Variants in PHYKPL observed in about 807,000 individuals in gnomAD.
PHYKPL encodes 5-phosphohydroxy-L-lysine phospho-lyase, also known as 5-phosphonooxy-L-lysine phospho-lyase.
PHYKPL carries 42 observed loss-of-function variants against 51.3 expected under a neutral mutation model. The observed-to-expected ratio is 0.82, with a 90% CI of 0.64 to 1.06. The LOEUF is 1.06. PHYKPL is among the 50% of genes least tolerant of loss of function. The pLI, the probability that PHYKPL is intolerant of heterozygous loss-of-function variation, is 0.00. For missense variants in PHYKPL, 655 were observed against 586.6 expected, an observed-to-expected ratio of 1.12 and a Z score of -1.20; for synonymous variants, 264 against 236.0, an observed-to-expected ratio of 1.12 and a Z score of -1.09.
chr5:178,210,528 C>T (rs1369556707), intron 12 of PHYKPL: 3 of 1,608,428 alleles, frequency 1.9e-6, no homozygotes, highest in South Asian at 1.1e-5. Context: ...TAAATAGTAG[C>T]TGCTATGGTT....
Position 178,232,601 on chromosome 5 carries a change from G to A in PHYKPL, c.-51C>T, listed in dbSNP as rs561918410. The A allele has an allele frequency of 3.4e-4, 428 of 1,249,152 alleles. 1 individual carries two copies. Among genetic ancestry groups the A allele is most frequent in the South Asian group, 1.4e-3 (44 of 30,552 alleles). 77.4% of individuals were successfully genotyped at this position (1,249,152 alleles called of 1,614,324 possible). On this transcript the variant is annotated 5_prime_UTR_variant, in exon 1 of 13. Transcript: ENST00000308158. ...TGACGCCACGCGGAGACGTCGCCGC[G>A]CGGGCTGGGCCTCCAAGGCCCCGCT...
At chr5:178,225,798 TCA>T (rs1762168991) in intron 3 of PHYKPL, 1 of 282,390 alleles carries the variant, frequency 3.5e-6, no homozygotes, top group Non-Finnish European at 7.0e-6. Flanking sequence ...AGGCAAGCAA[TCA>T]GTTCTGCAGC....
rs536824563 is a variant in PHYKPL at position 178,210,419 on chromosome 5, C to T, written c.*31+1471G>A. On this transcript the variant is annotated intron_variant, in intron 12 of 12. Transcript: ENST00000308158. ...CTACTTGATTTTGAGCCTTAGACTT[C>T]GGGGTCTTAATAACATGAGGAAGGC... The T allele has an allele frequency of 2.9e-4, 437 of 1,531,436 alleles. 4 individuals are homozygous for T. In the South Asian group the frequency reaches 3.4e-3, roughly 12 times the overall value. The allele number at this position is 1,531,436 out of a possible 1,614,324, so 94.9% of individuals were successfully genotyped here. A position where few individuals can be genotyped will look rare whatever the true frequency, so the allele number is the denominator to read the frequency against.
chr5:178,224,558 G>C lies in PHYKPL; in HGVS notation c.508C>G (p.Leu170Val). Residue 170 changes from leucine to valine, a missense_variant, in exon 6 of 13, where the codon CTC becomes GTC. Transcript: ENST00000308158. Reference sequence around the variant, plus strand: ...TAGGGGCCCCGGTAGGTGTCTGGGAGAGGTGCCTGTGGGGAGTGACAGCGC... The same window carrying C: ...TAGGGGCCCCGGTAGGTGTCTGGGACAGGTGCCTGTGGGGAGTGACAGCGC... Reference protein sequence around the residue: ...GQKEWVHVAPLPDTYRGPYRE... With the variant: ...GQKEWVHVAPVPDTYRGPYRE... 1 of 1,614,250 alleles carries C rather than the reference G, an allele frequency of 6.2e-7. No homozygotes were observed. The highest frequency in any genetic ancestry group is 8.5e-7 in the Non-Finnish European group (1 of 1,180,016).
intron 12 of PHYKPL, chr5:178,210,057 G>T: frequency 6.3e-7 from 1 of 1,577,914 alleles, no homozygotes; most frequent in South Asian, 1.2e-5. Context: ...CACCCCAAAG[G>T]GCAGGATTTC....
Position 178,222,868 on chromosome 5 carries a change from A to C in PHYKPL, c.685T>G (p.Phe229Val), listed in dbSNP as rs1561718346. 6.2e-7 allele frequency: 1 copy of C among 1,614,196 alleles called. No individual in the cohort carries two copies. Among genetic ancestry groups the C allele is most frequent in the African/African-American group, 1.3e-5 (1 of 75,060 alleles). The change falls in exon 7 of 13, where the codon TTC (phenylalanine) becomes GTC (valine). Residue 229 changes from phenylalanine to valine, a missense_variant. Coordinates refer to ENST00000308158, the MANE Select transcript of PHYKPL (RefSeq NM_153373.4). ...GGQIIPPAGY[F>V]SQVAEHIRKA... ...CCTACTCACTCTGCCACTTGGGAGAAGTAGCCAGCAGGGGGAATGATCTGC... is the reference window on the plus strand; with the variant it reads ...CCTACTCACTCTGCCACTTGGGAGACGTAGCCAGCAGGGGGAATGATCTGC...
At position 178,215,325 on chromosome 5, in the gene PHYKPL, G is replaced by A; in HGVS notation, c.1033C>T (p.Gln345Ter). The A allele has an allele frequency of 6.2e-7, 1 of 1,614,066 alleles. No individual in the cohort carries two copies. The highest frequency in any genetic ancestry group is 8.5e-7 in the Non-Finnish European group (1 of 1,179,980). Residue 345 changes from glutamine to a stop codon, truncating the protein, a stop_gained, in exon 9 of 13, where the codon CAG (glutamine) becomes TAG (stop). Coordinates refer to ENST00000308158, the MANE Select transcript of PHYKPL (RefSeq NM_153373.4). LOFTEE classifies it high-confidence loss of function. ...TTGATTTTTTGCTGCCCGAGGAGCT[G>A]CATCAGGAAGCTGCCTACACTGGTG... ...HATSVGSFLM[Q>*]LLGQQKIKHP...
intron 12 of PHYKPL, chr5:178,211,045 T>C (rs1758175014): frequency 5.2e-6 from 1 of 193,900 alleles, no homozygotes; most frequent in African/African-American, 2.4e-5. Flanking sequence ...TTTACTGTAC[T>C]TTTTGGTACC....
chr5:178,213,245 T>A (rs1759016647), intron 10 of PHYKPL, 142 bp from the exon 11 acceptor site: 6 of 1,143,634 alleles, frequency 5.2e-6, no homozygotes, highest in Non-Finnish European at 7.4e-6. Context: ...TGGTCACCTC[T>A]CCCAGAGTCC....
intron 2 of PHYKPL, among the ~76,000 whole-genome samples, chr5:178,231,132 A>T (rs1763310408): frequency 6.6e-6 from 1 of 152,224 alleles, no homozygotes; most frequent in Non-Finnish European, 1.5e-5. Context: ...TGCTGGTCAC[A>T]GCTGGGCCAT....
chr5:178,210,582 C>G (rs1757945739), intron 12 of PHYKPL: 2 of 1,614,138 alleles, frequency 1.2e-6, no homozygotes, highest in Non-Finnish European at 1.7e-6. Flanking sequence ...CGGCAAGAGC[C>G]AGCGACGTGG....
intron 3 of PHYKPL, chr5:178,228,401 G>A: frequency 1.6e-6 from 1 of 629,506 alleles, no homozygotes; most frequent in Non-Finnish European, 2.8e-6. Context: ...ATGCAGCAAA[G>A]AGATTGCTTT....
chr5:178,224,919 G>A, intron 4 of PHYKPL, 190 bp from the exon 5 acceptor site: 2 of 583,008 alleles, frequency 3.4e-6, no homozygotes, highest in South Asian at 4.3e-5. Context: ...ACTGCTGACT[G>A]GCTATGTGAC....
chr5:178,213,333 C>T (rs546965217), intron 10 of PHYKPL, among the ~76,000 whole-genome samples: 2 of 152,344 alleles, frequency 1.3e-5, no homozygotes, highest in African/African-American at 2.4e-5. Flanking sequence ...GAACAGGCAC[C>T]TTGCCTCACC....
rs1231786720 is a variant in PHYKPL, at chr5:178,212,897, TC to T, written c.1303+75del. The T allele has an allele frequency of 1.8e-5, 29 of 1,575,084 alleles. No homozygotes were observed. The Admixed American group carries it at 4.3e-4, about 23-fold the overall frequency. On this transcript the variant is annotated intron_variant, in intron 11 of 12. Transcript: ENST00000308158. The stretch of plus-strand genomic sequence containing the variant: ...TCTTGGACTCTTGTCCCCTCCCTGT[TC>T]CATGCTAGGAGGCTCTAGTTGCTGG...
At chr5:178,232,036 T>G in intron 1 of PHYKPL, 1 of 1,196,160 alleles carries the variant, frequency 8.4e-7, no homozygotes, top group South Asian at 1.5e-5. Flanking sequence ...AGGTCAAGTG[T>G]GCTGCCTGTG....
chr5:178,211,935 TCAG>T lies in PHYKPL; in HGVS notation c.1336_1338del (p.Leu446del). ...GCAGGGCTGGCTTAGGGCTGGAGCCTCAGCGTTTCACAACTTCTCACCTTCTCT... is the reference window on the plus strand; with the variant it reads ...GCAGGGCTGGCTTAGGGCTGGAGCCTCGTTTCACAACTTCTCACCTTCTCT... On this transcript the variant is annotated inframe_deletion, in exon 12 of 13. Coordinates refer to ENST00000308158, the MANE Select transcript of PHYKPL (RefSeq NM_153373.4). The T allele has an allele frequency of 6.2e-7, 1 of 1,614,188 alleles. No homozygotes were observed. Among genetic ancestry groups the T allele is most frequent in the African/African-American group, 1.3e-5 (1 of 75,048 alleles).
At chr5:178,207,846 G>A (rs540337966), downstream of PHYKPL, among the ~76,000 whole-genome samples, 1 of 151,926 alleles carries the variant, frequency 6.6e-6, no homozygotes, top group African/African-American at 2.4e-5. Flanking sequence ...GGGACCACAG[G>A]CATGTACCAC....
At chr5:178,218,148 C>T (rs1172948142) in intron 8 of PHYKPL, among the ~76,000 whole-genome samples, 3 of 104,138 alleles carry the variant, frequency 2.9e-5, no homozygotes, top group Admixed American at 1.3e-4. Context: ...ACCCGGGAGG[C>T]GGAGCTTGCA....
Sources: allele counts gnomAD v4.1 joint callset (sites outside exome capture counted in the v4.1 genomes callset), GRCh38; gene constraint gnomAD v4.1.1; transcripts MANE v1.5; gene names NCBI Gene and HGNC (gene_info 2026-07-23, HGNC 2026-07-21).